Variants in JMJD1C observed in about 807,000 individuals in gnomAD.
JMJD1C encodes jumonji domain-containing protein 1C.
Under a neutral mutation model 245.3 loss-of-function variants are expected in JMJD1C, and 31 were observed. The observed-to-expected ratio is 0.13, with a 90% CI of 0.09 to 0.17. The LOEUF (loss-of-function observed/expected upper bound fraction) is 0.17. JMJD1C is among the 10% of genes least tolerant of loss of function. The probability of loss-of-function intolerance (pLI) is 1.00; values close to 1 mark genes in which losing one functional copy is unlikely to be tolerated. For missense variants in JMJD1C, 2,691 were observed against 3,000.2 expected (o/e 0.90, Z 2.41); for synonymous variants, 1,057 against 1,017.4 (o/e 1.04, Z -0.74).
upstream of JMJD1C, among the ~76,000 whole-genome samples, chr10:63,467,046 T>C (rs563071977): frequency 2.0e-5 from 3 of 152,274 alleles, no homozygotes; most frequent in East Asian, 5.8e-4. Flanking sequence ...AGTAGTAATC[T>C]GAATGTTTAA....
At chr10:63,519,295 G>A (rs1955128735) in intron 1 of JMJD1C, among the ~76,000 whole-genome samples, 1 of 152,206 alleles carries the variant, frequency 6.6e-6, no homozygotes, top group Non-Finnish European at 1.5e-5. Context: ...AGGCATTAAT[G>A]TACTAGGATT....
At chr10:63,337,701 C>A (rs1316562363) in intron 2 of JMJD1C, among the ~76,000 whole-genome samples, 1 of 151,946 alleles carries the variant, frequency 6.6e-6, no homozygotes, top group East Asian at 1.9e-4. Flanking sequence ...CTTGGGGAAG[C>A]CTCATATAGA....
chr10:63,497,635 G>A (rs1954404752), intron 1 of JMJD1C, among the ~76,000 whole-genome samples: 1 of 152,152 alleles, frequency 6.6e-6, no homozygotes, highest in Admixed American at 6.5e-5. Context: ...GAATTACATG[G>A]TATGTGAATT....
intron 3 of JMJD1C, among the ~76,000 whole-genome samples, chr10:63,238,977 C>A (rs1851136468): frequency 6.6e-6 from 1 of 152,100 alleles, no homozygotes; most frequent in African/African-American, 2.4e-5. Context: ...ATCTTTGTAT[C>A]CTCTAGGATA....
At chr10:63,424,770 A>G (rs1407956245) in intron 1 of JMJD1C, among the ~76,000 whole-genome samples, 1 of 152,196 alleles carries the variant, frequency 6.6e-6, no homozygotes, top group East Asian at 1.9e-4. Flanking sequence ...TAAACTGCTC[A>G]ATCAGCAAAA....
chr10:63,208,778 A>C lies in JMJD1C; in HGVS notation c.2891T>G (p.Met964Arg). ...HKEELERKAFMEPLRSVASTS... is the reference protein window; with the variant it reads ...HKEELERKAFREPLRSVASTS... ...GGATGCAACAGACCGTAATGGTTCCATAAAAGCTTTTCTTTCTAATTCTCT... is the reference window on the plus strand; with the variant it reads ...GGATGCAACAGACCGTAATGGTTCCCTAAAAGCTTTTCTTTCTAATTCTCT... Residue 964 changes from methionine (M) to arginine (R), a missense_variant, in exon 10 of 26, where the codon ATG becomes AGG. This residue lies in a region of JMJD1C where 1,562 missense variants were observed against 1,490.7 expected (regional missense o/e 1.05). Transcript: ENST00000399262. 6.3e-7 allele frequency: 1 copy of C among 1,583,246 alleles called. No homozygotes were observed. Among genetic ancestry groups the C allele is most frequent in the East Asian group, 2.2e-5 (1 of 44,630 alleles).
chr10:63,237,075 T>C (rs1262270727), intron 3 of JMJD1C, among the ~76,000 whole-genome samples: 1 of 152,178 alleles, frequency 6.6e-6, no homozygotes, highest in African/African-American at 2.4e-5. Context: ...CTTGCTCTTG[T>C]CCCCCAGGCT....
At chr10:63,359,384 AT>A (rs1482772107) in intron 2 of JMJD1C, among the ~76,000 whole-genome samples, 1 of 152,182 alleles carries the variant, frequency 6.6e-6, no homozygotes, top group Admixed American at 6.5e-5. Flanking sequence ...ACTAACTTTC[AT>A]TTTCTTAAAA....
At chr10:63,386,931 ATCT>A (rs1947650129) in intron 1 of JMJD1C, among the ~76,000 whole-genome samples, 1 of 152,146 alleles carries the variant, frequency 6.6e-6, no homozygotes, top group South Asian at 2.1e-4. Context: ...AACAGACATG[ATCT>A]TCTGACTAAC....
chr10:63,399,918 G>T, intron 1 of JMJD1C, among the ~76,000 whole-genome samples: 1 of 150,756 alleles, frequency 6.6e-6, no homozygotes, highest in East Asian at 1.9e-4. Flanking sequence ...AATTAGTTTT[G>T]GGTTAATTCC....
intron 2 of JMJD1C, among the ~76,000 whole-genome samples, chr10:63,312,919 C>T (rs1461624269): frequency 6.6e-6 from 1 of 152,184 alleles, no homozygotes; most frequent in East Asian, 1.9e-4. Flanking sequence ...ACTAGAAGCA[C>T]ACTTTTACAT....
chr10:63,323,530 G>A (rs567880432), intron 2 of JMJD1C, among the ~76,000 whole-genome samples: 4 of 152,054 alleles, frequency 2.6e-5, no homozygotes, highest in African/African-American at 7.2e-5. Flanking sequence ...AAAAAGAAAG[G>A]GGGGAAAGAA....
intron 1 of JMJD1C, among the ~76,000 whole-genome samples, chr10:63,464,113 A>G (rs1953006470): frequency 6.6e-6 from 1 of 152,168 alleles, no homozygotes; most frequent in African/African-American, 2.4e-5. Flanking sequence ...TACTGAATTG[A>G]ACTGCCATAA....
chr10:63,358,067 T>C (rs1945014014), intron 2 of JMJD1C, among the ~76,000 whole-genome samples: 1 of 152,158 alleles, frequency 6.6e-6, no homozygotes, highest in South Asian at 2.1e-4. Flanking sequence ...CTTGGCTGTT[T>C]TGAATTACAA....
chr10:63,174,507 AG>A (rs1842691208), intron 24 of JMJD1C, among the ~76,000 whole-genome samples: 1 of 151,848 alleles, frequency 6.6e-6, no homozygotes, highest in Non-Finnish European at 1.5e-5. Context: ...GATTAGTTGC[AG>A]GAACTTTGGG....
At chr10:63,521,612 GAGGCCC>G (rs1564987115) in intron 1 of JMJD1C, 9 of 1,381,808 alleles carry the variant, frequency 6.5e-6, no homozygotes, top group Middle Eastern at 2.0e-4. Context: ...CAGCCGGCGC[GAGGCCC>G]AGGGGAGCTG....
At chr10:63,420,159 ATTAAG>A (rs776673794) in intron 1 of JMJD1C, among the ~76,000 whole-genome samples, 9 of 152,060 alleles carry the variant, frequency 5.9e-5, no homozygotes, top group African/African-American at 1.2e-4. Context: ...CACCCCAGAC[ATTAAG>A]TTATTTCTAC....
At chr10:63,189,730 T>A (rs1391111634) in intron 17 of JMJD1C, among the ~76,000 whole-genome samples, 4 of 152,084 alleles carry the variant, frequency 2.6e-5, no homozygotes, top group Non-Finnish European at 4.4e-5. Flanking sequence ...ATACATTTTT[T>A]AAAATTTTTA....
chr10:63,210,490 A>G (rs907425860), intron 8 of JMJD1C, among the ~76,000 whole-genome samples: 1 of 152,218 alleles, frequency 6.6e-6, no homozygotes, highest in Non-Finnish European at 1.5e-5. Flanking sequence ...CACAGAGGCT[A>G]GACAGTCATG....
Sources: gnomAD v4.1 joint callset for allele counts (sites outside exome capture counted in the v4.1 genomes callset) on GRCh38, gnomAD v4.1.1 for gene constraint, gnomAD v4.1.1 regional missense constraint, MANE v1.5 for transcripts, NCBI Gene and HGNC (gene_info 2026-07-23, HGNC 2026-07-21) for gene names.